The following DOC2B variants were observed in gnomAD, a reference collection of about 807,000 sequenced individuals.
The protein encoded by DOC2B is double C2 domain beta.
A neutral mutation model predicts 28.9 loss-of-function variants in DOC2B; 21 were observed. That is an observed-to-expected ratio of 0.73 (90% CI 0.52 to 1.05). The LOEUF is 1.05. Among genes scored for constraint, DOC2B ranks in the 50% least tolerant of loss-of-function variants. The pLI, the probability that DOC2B is intolerant of heterozygous loss-of-function variation, is 0.00. For missense variants in DOC2B, 384 were observed against 421.1 expected (o/e 0.91, Z 0.77); for synonymous variants, 194 against 178.1 (o/e 1.09, Z -0.71).
intron 5 of DOC2B, among the ~76,000 whole-genome samples, chr17:157,362 C>T (rs993383965): frequency 2.6e-5 from 4 of 152,184 alleles, no homozygotes; most frequent in Admixed American, 6.5e-5. Flanking sequence ...GTCCCCTCTG[C>T]GCGCCCACTG....
chr17:178,436 A>G (rs112537445), intron 1 of DOC2B, among the ~76,000 whole-genome samples: 2,421 of 152,336 alleles, frequency 0.016, 77 homozygotes, highest in African/African-American at 0.054. Context: ...GCTTTGAAGA[A>G]TGGACTGGGC....
At position 176,216 on chromosome 17, in the gene DOC2B, C is replaced by A. The variant is rs2040368223; in HGVS notation, c.374-3600G>T. ...CCCAAGAAGTTTTTTTTTTTTGAGA[C>A]AGGGTCTTGTTCTGTTACCCAGGCT... On this transcript the variant is annotated intron_variant, in intron 1 of 8. Coordinates refer to ENST00000613549, the MANE Select transcript of DOC2B (RefSeq NM_003585.5). Among the ~76,000 whole-genome samples, 4 of 150,868 alleles carry A rather than the reference C, an allele frequency of 2.7e-5. No homozygotes were observed. The South Asian group carries it at 6.3e-4, about 24-fold the overall frequency.
intron 2 of DOC2B, among the ~76,000 whole-genome samples, chr17:166,067 C>A (rs377419894): frequency 6.6e-6 from 1 of 152,256 alleles, no homozygotes; most frequent in Non-Finnish European, 1.5e-5. Flanking sequence ...CATGCTGGGA[C>A]GGGAGTGATG....
chr17:158,913 C>T (rs1337694004), intron 5 of DOC2B, among the ~76,000 whole-genome samples: 2 of 148,608 alleles, frequency 1.3e-5, no homozygotes, highest in Non-Finnish European at 3.0e-5. Context: ...GGTGTGGTGG[C>T]GCATGCCTGT....
intron 5 of DOC2B, 101 bp from the exon 6 acceptor site, chr17:156,478 C>A (rs957893855): frequency 1.5e-6 from 2 of 1,364,710 alleles, no homozygotes; most frequent in South Asian, 2.6e-5. Context: ...CTGCTGCAGC[C>A]GGGCCTGGTC....
chr17:149,746 T>A (rs1285812503), intron 6 of DOC2B, among the ~76,000 whole-genome samples: 4 of 152,204 alleles, frequency 2.6e-5, no homozygotes, highest in African/African-American at 2.4e-5. Flanking sequence ...CCTCAGGTGA[T>A]CCACCTGCCT....
At chr17:148,747 G>A (rs950754844) in intron 7 of DOC2B, among the ~76,000 whole-genome samples, 12 of 152,110 alleles carry the variant, frequency 7.9e-5, no homozygotes, top group African/African-American at 2.7e-4. Context: ...GGGGGAATCC[G>A]CATTTCCAGC....
chr17:163,361 G>A (rs573125358), intron 3 of DOC2B, among the ~76,000 whole-genome samples: 23 of 152,322 alleles, frequency 1.5e-4, no homozygotes, highest in Non-Finnish European at 2.6e-4. Context: ...CTTCCCTAGA[G>A]AAGGGGGAAG....
At chr17:148,077 G>A (rs1007201981) in intron 8 of DOC2B, 96 bp downstream of exon 8, 12 of 397,582 alleles carry the variant, frequency 3.0e-5, no homozygotes, top group Admixed American at 1.3e-4. Flanking sequence ...CAGGTGGTCC[G>A]TGGCTCCAGC....
At chr17:149,595 TC>T (rs2040051436) in intron 6 of DOC2B, among the ~76,000 whole-genome samples, 1 of 151,886 alleles carries the variant, frequency 6.6e-6, no homozygotes, top group East Asian at 1.9e-4. Context: ...AACCTCTGCC[TC>T]CCGGGTTCAA....
chr17:159,940 G>A (rs2040181242), intron 5 of DOC2B, among the ~76,000 whole-genome samples: 1 of 150,038 alleles, frequency 6.7e-6, no homozygotes, highest in Non-Finnish European at 1.5e-5. Context: ...TTATGCCAGT[G>A]ATGAAAACTC....
At chr17:173,760 C>T (rs1280315211) in intron 1 of DOC2B, among the ~76,000 whole-genome samples, 1 of 152,096 alleles carries the variant, frequency 6.6e-6, no homozygotes, top group African/African-American at 2.4e-5. Flanking sequence ...GGGGAGGTGA[C>T]GATTCCAACC....
chr17:159,017 C>T (rs2040168669), intron 5 of DOC2B, among the ~76,000 whole-genome samples: 1 of 145,290 alleles, frequency 6.9e-6, no homozygotes, highest in Non-Finnish European at 1.5e-5. Context: ...GCACTCCAGC[C>T]TGGGCGACAT....
At position 144,064 on chromosome 17, in the gene DOC2B, G is replaced by C. The variant is rs2040002269; in HGVS notation, c.*3377C>G. On this transcript the variant is annotated 3_prime_UTR_variant, in exon 9 of 9. Coordinates refer to ENST00000613549, the MANE Select transcript of DOC2B (RefSeq NM_003585.5). ...TGGAAGACGGGCCCGTCGGGGATTG[G>C]CGCAGGCGGCGGGCGGGGCGGCGGG... is the stretch of plus-strand genomic sequence containing the variant. The C allele has an allele frequency of 6.8e-6, 1 of 147,382 alleles. No individual in the cohort carries two copies. Among genetic ancestry groups the C allele is most frequent in the African/African-American group, 2.5e-5 (1 of 39,618 alleles). 9.1% of individuals were successfully genotyped at this position (147,382 alleles called of 1,614,324 possible). A position where few individuals can be genotyped will look rare whatever the true frequency, so the allele number is the denominator to read the frequency against.
intron 6 of DOC2B, among the ~76,000 whole-genome samples, chr17:152,326 G>A (rs2040081906): frequency 2.0e-5 from 3 of 152,164 alleles, no homozygotes; most frequent in African/African-American, 7.2e-5. Context: ...CGCAGCTCAG[G>A]GATATTACGT....
At position 148,041 on chromosome 17, in the gene DOC2B, A is replaced by G. The variant is rs1349347443; in HGVS notation, c.1102+132T>C. 1.0e-5 allele frequency: 4 copies of G among 395,966 alleles called. No homozygotes were observed. In the Admixed American group the frequency reaches 1.8e-4, roughly 17 times the overall value. 24.5% of individuals were successfully genotyped at this position (395,966 alleles called of 1,614,324 possible). A position where few individuals can be genotyped will look rare whatever the true frequency, so the allele number is the denominator to read the frequency against. On this transcript the variant is annotated intron_variant, in intron 8 of 8. Transcript: ENST00000613549. ...CTGGGGCACAAGGGTCAGGCTGGAG[A>G]AGGTCTGAGGCCCCTGACCTAGGGG... is the stretch of plus-strand genomic sequence containing the variant.
chr17:179,219 C>A (rs992271704), intron 1 of DOC2B, among the ~76,000 whole-genome samples: 4 of 152,160 alleles, frequency 2.6e-5, no homozygotes, highest in Non-Finnish European at 5.9e-5. Context: ...CTCTGCCCTG[C>A]ACTGCTGACC....
intron 6 of DOC2B, among the ~76,000 whole-genome samples, chr17:149,558 C>CT (rs1331274192): frequency 9.9e-4 from 146 of 147,798 alleles, no homozygotes; most frequent in Non-Finnish European, 1.5e-3. Context: ...GTTCAAACTT[C>CT]TTTTTTTTTT....
chr17:161,623 C>T (rs2040205956), intron 4 of DOC2B, 82 bp from the exon 5 acceptor site: 1 of 1,527,998 alleles, frequency 6.5e-7, no homozygotes, highest in East Asian at 2.5e-5. Flanking sequence ...TAGGGCCAGC[C>T]CTGGCTTCTC....
Sources: allele counts gnomAD v4.1 joint callset (sites outside exome capture counted in the v4.1 genomes callset), GRCh38; gene constraint gnomAD v4.1.1; transcripts MANE v1.5; gene names NCBI Gene and HGNC (gene_info 2026-07-23, HGNC 2026-07-21).